The following TP63 variants were observed in gnomAD, a reference collection of about 807,000 sequenced individuals.
TP63 encodes tumor protein 63.
In TP63, 17 loss-of-function variants were observed where a neutral mutation model predicts 82.8. The ratio of observed to expected loss-of-function variants is 0.21; its 90% CI spans 0.14 to 0.31. The LOEUF (loss-of-function observed/expected upper bound fraction) is 0.31, where lower values mean the gene tolerates loss of function less well. Ranked by LOEUF, TP63 falls within the 10% of genes least tolerant of loss-of-function variation. The pLI is 1.00. For missense variants in TP63, 648 were observed against 895.3 expected (o/e 0.72, Z 3.52); for synonymous variants, 330 against 321.7 (o/e 1.03, Z -0.28).
chr3:189,662,536 C>G (rs556670192), intron 1 of TP63, among the ~76,000 whole-genome samples: 1 of 151,890 alleles, frequency 6.6e-6, no homozygotes, highest in Non-Finnish European at 1.5e-5. Flanking sequence ...TATTTTTAAA[C>G]AAATAGGCTT....
chr3:189,819,991 C>T (rs1257583672), intron 4 of TP63, among the ~76,000 whole-genome samples: 1 of 152,006 alleles, frequency 6.6e-6, no homozygotes, highest in African/African-American at 2.4e-5. Context: ...CCTTGTGATC[C>T]ACCCGCCTCG....
chr3:189,851,731 G>A (rs1185152964), intron 4 of TP63, among the ~76,000 whole-genome samples: 3 of 152,100 alleles, frequency 2.0e-5, no homozygotes, highest in African/African-American at 4.8e-5. Context: ...ACCAACCCGG[G>A]CAGAAATAAG....
chr3:189,667,426 A>G (rs1263380149), intron 1 of TP63, among the ~76,000 whole-genome samples: 1 of 151,730 alleles, frequency 6.6e-6, no homozygotes, highest in Non-Finnish European at 1.5e-5. Flanking sequence ...ACTCGCCTCT[A>G]CCTCCCAAAG....
intron 1 of TP63, among the ~76,000 whole-genome samples, chr3:189,682,550 A>AT (rs1716041243): frequency 8.8e-5 from 4 of 45,204 alleles, no homozygotes; most frequent in African/African-American, 3.7e-4. Context: ...AAAAAAAAAA[A>AT]AAAATATATA....
chr3:189,805,142 C>G (rs1042315334), intron 3 of TP63, among the ~76,000 whole-genome samples: 2 of 152,160 alleles, frequency 1.3e-5, no homozygotes, highest in African/African-American at 4.8e-5. Flanking sequence ...TTCAGTCTTT[C>G]TATCATTCCA....
intron 1 of TP63, among the ~76,000 whole-genome samples, chr3:189,700,555 A>C (rs1717726539): frequency 6.6e-6 from 1 of 152,202 alleles, no homozygotes; most frequent in South Asian, 2.1e-4. Context: ...AATATGAGGT[A>C]GGTAGGTAGA....
At chr3:189,790,156 G>A (rs1307837863) in intron 3 of TP63, among the ~76,000 whole-genome samples, 1 of 151,988 alleles carries the variant, frequency 6.6e-6, no homozygotes, top group African/African-American at 2.4e-5. Flanking sequence ...ATCACACTCT[G>A]CTAGATACAT....
Position 189,869,342 on chromosome 3 carries a change from A to C in TP63, c.1148A>C (p.His383Pro), listed in dbSNP as rs763116801. The change falls in exon 9 of 14, where the codon CAT becomes CCT. Residue 383 changes from histidine (H) to proline (P), a missense_variant. Physicochemically the swap from His to Pro is moderately conservative, Grantham distance 77 (BLOSUM62 -2). Coordinates refer to ENST00000264731, the MANE Select transcript of TP63 (RefSeq NM_003722.5). Reference protein sequence around the residue: ...GTKRPFRQNTHGIQMTSIKKR... With the variant: ...GTKRPFRQNTPGIQMTSIKKR... The stretch of plus-strand genomic sequence containing the variant: ...CCACCAGCGTTTCGTCAGAACACAC[A>C]TGGTATCCAGATGACATCCATCAAG... 6.2e-7 allele frequency: 1 copy of C among 1,614,144 alleles called. No homozygotes were observed. The highest frequency in any genetic ancestry group is 2.2e-5 in the East Asian group (1 of 44,874).
chr3:189,627,942 T>G (rs1729356370), upstream of TP63, among the ~76,000 whole-genome samples: 1 of 152,144 alleles, frequency 6.6e-6, no homozygotes, highest in Admixed American at 6.6e-5. Context: ...TTTTAATCAG[T>G]TGCAATACTT....
intron 1 of TP63, among the ~76,000 whole-genome samples, chr3:189,713,141 G>A (rs940731961): frequency 6.6e-6 from 1 of 152,124 alleles, no homozygotes; most frequent in Non-Finnish European, 1.5e-5. Flanking sequence ...CCTCAAAATA[G>A]GCTTTATGGC....
intron 10 of TP63, among the ~76,000 whole-genome samples, chr3:189,876,494 A>T (rs1719245659): frequency 6.6e-6 from 1 of 152,208 alleles, no homozygotes; most frequent in Non-Finnish European, 1.5e-5. Flanking sequence ...CCACAGATAG[A>T]TAGTAAAGAA....
chr3:189,855,912 G>A (rs1212170064), intron 4 of TP63, among the ~76,000 whole-genome samples: 1 of 151,946 alleles, frequency 6.6e-6, no homozygotes, highest in Admixed American at 6.6e-5. Context: ...TAAATTTTCT[G>A]TAACGGCTTC....
chr3:189,759,677 A>C (rs74915268), intron 3 of TP63, among the ~76,000 whole-genome samples: 4,748 of 152,258 alleles, frequency 0.031, 92 homozygotes, highest in Admixed American at 0.054. Context: ...TAAAACATGG[A>C]ATCAATAGAA....
chr3:189,886,543 G>T lies in TP63; in HGVS notation c.1499G>T (p.Gly500Val). 1 of 1,614,014 alleles carries T rather than the reference G, an allele frequency of 6.2e-7. No homozygotes were observed. The change falls in exon 11 of 14, where the codon GGA (glycine) becomes GTA (valine). Residue 500 changes from glycine (G) to valine (V), a missense_variant. This residue lies in a region of TP63 where 342 missense variants were observed against 425.7 expected (regional missense o/e 0.80). Coordinates refer to ENST00000264731, the MANE Select transcript of TP63 (RefSeq NM_003722.5). ...LTPTTIPDGM[G>V]ANIPMMGTHM... Reference sequence around the variant, plus strand: ...CCTACAACCATTCCTGATGGCATGGGAGCCAACAGTAAGAGCATCTCCTTT... The same window carrying T: ...CCTACAACCATTCCTGATGGCATGGTAGCCAACAGTAAGAGCATCTCCTTT...
intron 10 of TP63, among the ~76,000 whole-genome samples, chr3:189,875,615 T>TATATATATACACAC (rs1719036844): frequency 3.6e-5 from 4 of 110,386 alleles, no homozygotes; most frequent in African/African-American, 1.2e-4. Flanking sequence ...TATATATATA[T>TATATATATACACAC]ATATATATAT....
At chr3:189,751,184 G>A (rs1299613443) in intron 3 of TP63, among the ~76,000 whole-genome samples, 1 of 152,158 alleles carries the variant, frequency 6.6e-6, no homozygotes, top group Non-Finnish European at 1.5e-5. Context: ...ATTCCATGGT[G>A]TATATGTGCC....
chr3:189,723,625 T>A (rs1331601023), intron 1 of TP63, among the ~76,000 whole-genome samples: 1 of 152,208 alleles, frequency 6.6e-6, no homozygotes, highest in Non-Finnish European at 1.5e-5. Context: ...GGTTTTTCTC[T>A]CCATGAACCA....
At chr3:189,838,981 T>TTC (rs1328468028) in intron 4 of TP63, among the ~76,000 whole-genome samples, 2 of 146,364 alleles carry the variant, frequency 1.4e-5, no homozygotes, top group African/African-American at 5.1e-5. Context: ...TCCCTTAAAC[T>TTC]TCTCAGCATT....
intron 3 of TP63, among the ~76,000 whole-genome samples, chr3:189,774,143 C>T (rs546589749): frequency 2.0e-4 from 30 of 152,028 alleles, no homozygotes; most frequent in South Asian, 1.5e-3. Context: ...AGGATGGTCT[C>T]GATCTCCTGA....
Sources: allele counts gnomAD v4.1 joint callset (sites outside exome capture counted in the v4.1 genomes callset), GRCh38; gene constraint gnomAD v4.1.1; regional missense constraint gnomAD v4.1.1; transcripts MANE v1.5; gene names NCBI Gene and HGNC (gene_info 2026-07-23, HGNC 2026-07-21).